RPGRIP1: variants seen among roughly 807,000 people sequenced by gnomAD.
RPGRIP1 encodes X-linked retinitis pigmentosa GTPase regulator-interacting protein 1.
Under a neutral mutation model 157.9 loss-of-function variants are expected in RPGRIP1, and 128 were observed. The observed-to-expected ratio is 0.81, with a 90% CI of 0.70 to 0.94. RPGRIP1 has a LOEUF of 0.94. Among genes scored for constraint, RPGRIP1 ranks in the 40% least tolerant of loss-of-function variants. The pLI, the probability that RPGRIP1 is intolerant of heterozygous loss-of-function variation, is 0.00. For missense variants in RPGRIP1, 1,486 were observed against 1,545.8 expected (o/e 0.96, Z 0.65); for synonymous variants, 554 against 571.6 (o/e 0.97, Z 0.44).
At chr14:21,342,049 C>CA (rs769694278) in intron 21 of RPGRIP1, among the ~76,000 whole-genome samples, 5,612 of 112,986 alleles carry the variant, frequency 0.05, 364 homozygotes, top group African/African-American at 0.16. Context: ...GACACTGTCT[C>CA]AAAAAAAAAA....
intron 21 of RPGRIP1, among the ~76,000 whole-genome samples, chr14:21,340,776 TATAAA>T (rs1015789968): frequency 2.0e-5 from 3 of 151,880 alleles, no homozygotes; most frequent in Non-Finnish European, 4.4e-5. Context: ...CCAATACTCT[TATAAA>T]AGAACAAGTT....
At position 21,303,484 on chromosome 14, in the gene RPGRIP1, A is replaced by G; in HGVS notation, c.741A>G (p.Lys247=). 1 of 1,613,996 alleles carries G rather than the reference A, an allele frequency of 6.2e-7. No homozygotes were observed. Among genetic ancestry groups the G allele is most frequent in the Non-Finnish European group, 8.5e-7 (1 of 1,179,886 alleles). ...PPKSPEKMWP[K]DENFEQRSSL... ...AGTCTCCTGAGAAAATGTGGCCTAA[A>G]GATGAAAATTTTGAACAGAGAAGCT... Residue 247 remains lysine (K), a synonymous_variant, in exon 6 of 25, where the codon AAA becomes AAG. Transcript: ENST00000400017.
intron 4 of RPGRIP1, among the ~76,000 whole-genome samples, chr14:21,301,916 A>C (rs951041405): frequency 2.0e-5 from 3 of 151,872 alleles, no homozygotes; most frequent in Non-Finnish European, 4.4e-5. Context: ...AAGAAAACTC[A>C]ACGTTGAATC....
At chr14:21,318,169 C>T (rs1473305625) in intron 11 of RPGRIP1, 2 of 496,898 alleles carry the variant, frequency 4.0e-6, no homozygotes, top group South Asian at 1.5e-5. Context: ...TGCAATGGCA[C>T]GATTTCAGCT....
intron 1 of RPGRIP1, among the ~76,000 whole-genome samples, chr14:21,283,223 T>A (rs1880193244): frequency 6.6e-6 from 1 of 152,182 alleles, no homozygotes; most frequent in Admixed American, 6.6e-5. Flanking sequence ...TTCCTTTTCC[T>A]TCACATTACT....
Position 21,325,016 on chromosome 14 carries a change from T to A in RPGRIP1, c.2161T>A (p.Phe721Ile). The A allele has an allele frequency of 3.7e-6, 6 of 1,614,010 alleles. No individual in the cohort carries two copies. The highest frequency in any genetic ancestry group is 2.5e-6 in the Non-Finnish European group (3 of 1,179,884). Residue 721 changes from phenylalanine (F) to isoleucine (I), a missense_variant, in exon 15 of 25, where the codon TTT (phenylalanine) becomes ATT (isoleucine). By Grantham distance (21) the Phe-to-Ile change is conservative (BLOSUM62 0). Coordinates refer to ENST00000400017, the MANE Select transcript of RPGRIP1 (RefSeq NM_020366.4). ...CACTCTTGCTGCAGGATGGATTTGC[T>A]TTGACAGGGTGCTAGAGACTGTGGA... ...HSTLAAGWICFDRVLETVEKV... is the reference protein window; with the variant it reads ...HSTLAAGWICIDRVLETVEKV...
chr14:21,315,207 T>C (rs1480201656), intron 10 of RPGRIP1, among the ~76,000 whole-genome samples: 1 of 151,696 alleles, frequency 6.6e-6, no homozygotes, highest in Non-Finnish European at 1.5e-5. Context: ...AAAAAAGTTT[T>C]TAAAACTTAA....
chr14:21,324,774 C>T lies in RPGRIP1; in HGVS notation c.1919C>T (p.Ala640Val), dbSNP rs926693760. 5 of 1,613,964 alleles carry T rather than the reference C, an allele frequency of 3.1e-6. No individual in the cohort carries two copies. Among genetic ancestry groups the T allele is most frequent in the Non-Finnish European group, 4.2e-6 (5 of 1,179,918 alleles). Residue 640 changes from alanine to valine, a missense_variant, in exon 15 of 25, where the codon GCC (alanine) becomes GTC (valine). Ala to Val is a moderately conservative substitution (Grantham distance 64). Transcript: ENST00000400017. ...LHIHQAFLTS[A>V]ALAQAGDTQP... ...ATCCACCAGGCCTTCCTGACATCTG[C>T]CGCCCTAGCTCAGGCTGGAGATACC...
chr14:21,281,727 A>ATAG (rs1566663266), intron 1 of RPGRIP1, among the ~76,000 whole-genome samples: 1 of 147,718 alleles, frequency 6.8e-6, no homozygotes, highest in African/African-American at 2.5e-5. Flanking sequence ...AATAATAATA[A>ATAG]TAATAATAAT....
chr14:21,299,476 A>G (rs962648836), intron 3 of RPGRIP1, among the ~76,000 whole-genome samples: 3 of 152,136 alleles, frequency 2.0e-5, no homozygotes, highest in Non-Finnish European at 2.9e-5. Context: ...CAAGTTACAT[A>G]GCTATTTTAC....
At chr14:21,287,875 T>C (rs898046847) in intron 1 of RPGRIP1, 64 bp from the exon 2 acceptor site, 10 of 722,058 alleles carry the variant, frequency 1.4e-5, no homozygotes, top group Admixed American at 2.3e-5. Flanking sequence ...CTACAACTTA[T>C]GTACACGTTT....
chr14:21,310,500 A>T (rs1232478837), intron 7 of RPGRIP1, 84 bp from the exon 8 acceptor site: 1 of 689,240 alleles, frequency 1.5e-6, no homozygotes. Context: ...TAATGTCTTT[A>T]AAAATGTTAA....
intron 20 of RPGRIP1, among the ~76,000 whole-genome samples, chr14:21,331,830 G>C (rs1034203255): frequency 6.6e-6 from 1 of 151,550 alleles, no homozygotes; most frequent in Admixed American, 6.6e-5. Context: ...ATTTAATAAT[G>C]AGAGGAAAAA....
At chr14:21,297,833 T>TTTTCTTTCTTTCTTTCTTTC (rs1441242352) in intron 3 of RPGRIP1, among the ~76,000 whole-genome samples, 2 of 33,212 alleles carry the variant, frequency 6.0e-5, no homozygotes. Flanking sequence ...CTCAATAAAT[T>TTTTCTTTCTTTCTTTCTTTC]ATTCTTTCTT....
rs869108147 is a variant in RPGRIP1, at chr14:21,337,438, C to CTTTTTTT, written c.3339+2744_3339+2750dup. Among the ~76,000 whole-genome samples, 368 of 128,650 alleles carry CTTTTTTT rather than the reference C, an allele frequency of 2.9e-3. 6 individuals are homozygous for CTTTTTTT. Among genetic ancestry groups the CTTTTTTT allele is most frequent in the African/African-American group, 7.4e-3 (243 of 32,880 alleles). The allele number at this position is 128,650 out of a possible 152,430, so 84.4% of individuals were successfully genotyped here. On this transcript the variant is annotated intron_variant, in intron 21 of 24. Transcript: ENST00000400017. The stretch of plus-strand genomic sequence containing the variant: ...ACCTACTGGAGTTCTCAATGTTAAG[C>CTTTTTTT]TTTTTTTTTTTTTTTTTGAGATAGA...
chr14:21,325,352 T>C lies in RPGRIP1; in HGVS notation c.2336T>C (p.Val779Ala), dbSNP rs1195674447. ...KKAQVYLSTD[V>A]LGGRKAQEEE... ...GCCCAGGTCTACCTGTCAACCGATG[T>C]GCTTGGAGGCCGGAAGGCCCAGGAA... is the stretch of plus-strand genomic sequence containing the variant. The change falls in exon 16 of 25, where the codon GTG (valine) becomes GCG (alanine). Residue 779 changes from valine (V) to alanine (A), a missense_variant. Val to Ala is a moderately conservative substitution (Grantham distance 64). Coordinates refer to ENST00000400017, the MANE Select transcript of RPGRIP1 (RefSeq NM_020366.4). 3.1e-6 allele frequency: 5 copies of C among 1,595,034 alleles called. No homozygotes were observed. The highest frequency in any genetic ancestry group is 4.3e-6 in the Non-Finnish European group (5 of 1,170,714).
At chr14:21,300,328 G>A (rs1215010896) in intron 3 of RPGRIP1, among the ~76,000 whole-genome samples, 1 of 147,914 alleles carries the variant, frequency 6.8e-6, no homozygotes. Context: ...AAAAGCCTCC[G>A]GAACACCCAA....
intron 11 of RPGRIP1, among the ~76,000 whole-genome samples, chr14:21,318,639 C>T (rs539527970): frequency 6.6e-6 from 1 of 151,812 alleles, no homozygotes; most frequent in Non-Finnish European, 1.5e-5. Flanking sequence ...CCACACCCAA[C>T]TAATTTTTTG....
intron 24 of RPGRIP1, 48 bp downstream of exon 24, chr14:21,348,350 TA>T: frequency 7.3e-7 from 1 of 1,374,438 alleles, no homozygotes; most frequent in Non-Finnish European, 9.8e-7. Context: ...GAAATCATCC[TA>T]ATAGTGAATA....
Sources: gnomAD v4.1 joint callset for allele counts (sites outside exome capture counted in the v4.1 genomes callset) on GRCh38, gnomAD v4.1.1 for gene constraint, MANE v1.5 for transcripts, NCBI Gene and HGNC (gene_info 2026-07-23, HGNC 2026-07-21) for gene names.